Variants in MACROH2A1 observed in about 807,000 individuals in gnomAD.
MACROH2A1 encodes the protein core histone macro-H2A.1.
MACROH2A1 carries 2 observed loss-of-function variants against 31.6 expected under a neutral mutation model. The observed-to-expected ratio is 0.06, with a 90% CI of 0.03 to 0.20. MACROH2A1 has a LOEUF of 0.20. MACROH2A1 is among the 10% of genes least tolerant of loss of function. MACROH2A1 has a pLI of 1.00. For synonymous variants in MACROH2A1, 169 were observed against 189.6 expected (o/e 0.89, Z 0.89); for missense variants, 230 against 474.0 (o/e 0.49, Z 4.78).
Position 135,345,960 on chromosome 5 carries a change from C to T in MACROH2A1, c.778+8G>A. 1 of 1,541,858 alleles carries T rather than the reference C, an allele frequency of 6.5e-7. No individual in the cohort carries two copies. The highest frequency in any genetic ancestry group is 9.0e-7 in the Non-Finnish European group (1 of 1,114,164). ...AACCAGATAAGCACGGTGGCTTTCC[C>T]ACCTCACCTCCAGCTACTTCCAAGG... On this transcript the variant is annotated splice_region_variant and intron_variant, in intron 7 of 8. Coordinates refer to ENST00000511689, the MANE Select transcript of MACROH2A1 (RefSeq NM_138610.3).
intron 2 of MACROH2A1, among the ~76,000 whole-genome samples, chr5:135,377,319 G>A (rs2149888005): frequency 6.6e-6 from 1 of 152,330 alleles, no homozygotes; most frequent in African/African-American, 2.4e-5. Context: ...TAAGTTACAA[G>A]GAAATGGTTA....
intron 8 of MACROH2A1, among the ~76,000 whole-genome samples, chr5:135,341,846 C>T (rs1001069902): frequency 2.0e-5 from 3 of 152,240 alleles, no homozygotes; most frequent in African/African-American, 7.2e-5. Flanking sequence ...CAGGCTCGCC[C>T]AGAAGGGACA....
chr5:135,386,503 A>T (rs1282016665), intron 2 of MACROH2A1, among the ~76,000 whole-genome samples: 1 of 152,264 alleles, frequency 6.6e-6, no homozygotes, highest in African/African-American at 2.4e-5. Context: ...GATGTGGCTG[A>T]TGCCAGAGTA....
At position 135,353,332 on chromosome 5, in the gene MACROH2A1, G is replaced by A. The variant is rs1761803836; in HGVS notation, c.589-287C>T. The A allele has an allele frequency of 1.6e-5, 6 of 370,794 alleles. No individual in the cohort carries two copies. The South Asian group carries it at 1.9e-4, about 12-fold the overall frequency. 23.0% of individuals were successfully genotyped at this position (370,794 alleles called of 1,614,324 possible). On this transcript the variant is annotated intron_variant, in intron 5 of 8. Coordinates refer to ENST00000511689, the MANE Select transcript of MACROH2A1 (RefSeq NM_138610.3). ...GAGGAGATCAGCTTTCCTTTAAAGG[G>A]ACTTGTGATCTGGGGGCCAAAGTAA...
chr5:135,358,899 G>T, intron 5 of MACROH2A1: 1 of 985,248 alleles, frequency 1.0e-6, no homozygotes, highest in Non-Finnish European at 1.2e-6. Context: ...GAGCTGACAT[G>T]TTCCTGGCTC....
At chr5:135,364,943 A>G (rs971992069) in intron 4 of MACROH2A1, among the ~76,000 whole-genome samples, 4 of 152,152 alleles carry the variant, frequency 2.6e-5, no homozygotes, top group Non-Finnish European at 5.9e-5. Context: ...GAGCAAGCCT[A>G]TATTTATGAT....
At chr5:135,387,476 C>A (rs1217402349) in intron 2 of MACROH2A1, among the ~76,000 whole-genome samples, 1 of 152,162 alleles carries the variant, frequency 6.6e-6, no homozygotes, top group Non-Finnish European at 1.5e-5. Flanking sequence ...CCTTCCGCTG[C>A]CTGGTTGTAT....
At chr5:135,364,388 C>T (rs1330802922) in intron 4 of MACROH2A1, among the ~76,000 whole-genome samples, 1 of 152,146 alleles carries the variant, frequency 6.6e-6, no homozygotes, top group East Asian at 1.9e-4. Context: ...AACACACCTG[C>T]ACATTGTGCA....
At chr5:135,356,768 G>A (rs1762224774) in intron 5 of MACROH2A1, 2 of 152,028 alleles carry the variant, frequency 1.3e-5, no homozygotes, top group African/African-American at 2.4e-5. Flanking sequence ...TGACCTACTT[G>A]GCTACAGGAA....
At chr5:135,376,297 T>G (rs1412365265) in intron 2 of MACROH2A1, among the ~76,000 whole-genome samples, 1 of 152,196 alleles carries the variant, frequency 6.6e-6, no homozygotes, top group Non-Finnish European at 1.5e-5. Flanking sequence ...TCCAGTCTTC[T>G]GCCTTCCCAC....
chr5:135,376,548 T>C (rs1259306413), intron 2 of MACROH2A1, among the ~76,000 whole-genome samples: 2 of 152,234 alleles, frequency 1.3e-5, no homozygotes, highest in Non-Finnish European at 2.9e-5. Flanking sequence ...CCTCTGGTGC[T>C]GTTTCAGCTG....
intron 5 of MACROH2A1, 86 bp downstream of exon 5, chr5:135,360,411 G>C: frequency 1.1e-6 from 1 of 906,154 alleles, no homozygotes; most frequent in South Asian, 1.4e-5. Context: ...TGGCCCCCGG[G>C]ATCCCCCCAG....
At position 135,337,978 on chromosome 5, in the gene MACROH2A1, C is replaced by G. The variant is rs1759082896; in HGVS notation, c.954-2837G>C. The G allele has an allele frequency of 1.6e-6, 2 of 1,214,942 alleles. 1 individual carries two copies. The highest frequency in any genetic ancestry group is 2.9e-5 in the South Asian group (2 of 68,546). The allele number at this position is 1,214,942 out of a possible 1,614,324, so 75.3% of individuals were successfully genotyped here. A position where few individuals can be genotyped will look rare whatever the true frequency, so the allele number is the denominator to read the frequency against. ...ACCCTGCTATGGGACTGTGGCTGCT[C>G]TGGACTGCGCAGGCTGCCAGGAAGG... is the stretch of plus-strand genomic sequence containing the variant. On this transcript the variant is annotated intron_variant, in intron 8 of 8. Transcript: ENST00000511689.
intron 1 of MACROH2A1, among the ~76,000 whole-genome samples, chr5:135,395,296 A>G (rs186768623): frequency 2.0e-4 from 30 of 152,316 alleles, no homozygotes; most frequent in African/African-American, 7.2e-4. Flanking sequence ...TGGAATAGTC[A>G]ATCATGAAGT....
intron 7 of MACROH2A1, chr5:135,345,551 A>G (rs1760700790): frequency 6.1e-6 from 1 of 163,924 alleles, no homozygotes; most frequent in African/African-American, 2.4e-5. Flanking sequence ...TATACCAGGG[A>G]AGGTGTAATT....
intron 6 of MACROH2A1, 48 bp downstream of exon 6, chr5:135,352,898 T>A: frequency 9.8e-7 from 1 of 1,021,912 alleles, no homozygotes; most frequent in Non-Finnish European, 1.6e-6. Context: ...CTGGGTTCCA[T>A]AACTTTTCAT....
chr5:135,363,241 C>G (rs1196588840), intron 4 of MACROH2A1, among the ~76,000 whole-genome samples: 1 of 152,050 alleles, frequency 6.6e-6, no homozygotes, highest in Non-Finnish European at 1.5e-5. Flanking sequence ...CTGGAGAGTT[C>G]CTGATTAAAC....
At chr5:135,388,554 G>A (rs562788923) in intron 2 of MACROH2A1, among the ~76,000 whole-genome samples, 28 of 152,090 alleles carry the variant, frequency 1.8e-4, no homozygotes, top group Non-Finnish European at 3.7e-4. Context: ...TAACAAACTG[G>A]CAGTCAAATG....
Position 135,343,246 on chromosome 5 carries a change from G to A in MACROH2A1, c.953+14C>T, listed in dbSNP as rs201922852. On this transcript the variant is annotated intron_variant, in intron 8 of 8. Coordinates refer to ENST00000511689, the MANE Select transcript of MACROH2A1 (RefSeq NM_138610.3). Reference sequence around the variant, plus strand: ...CACACCCATGACCGATACGTAACAAGCATGTGCCCCTACCTGCCGCTGCCG... The same window carrying A: ...CACACCCATGACCGATACGTAACAAACATGTGCCCCTACCTGCCGCTGCCG... 657 of 1,613,670 alleles carry A rather than the reference G, an allele frequency of 4.1e-4. 9 individuals are homozygous for A. The South Asian group carries it at 4.8e-3, about 12-fold the overall frequency.
Sources: allele counts gnomAD v4.1 joint callset (sites outside exome capture counted in the v4.1 genomes callset), GRCh38; gene constraint gnomAD v4.1.1; transcripts MANE v1.5; gene names NCBI Gene and HGNC (gene_info 2026-07-23, HGNC 2026-07-21).